The following UTP20 variants were observed in gnomAD, a reference collection of about 807,000 sequenced individuals.
UTP20 encodes UTP20 small subunit processome component.
In UTP20, 164 loss-of-function variants were observed where a neutral mutation model predicts 329.5. The ratio of observed to expected loss-of-function variants is 0.50; its 90% CI spans 0.44 to 0.57. The LOEUF is 0.57. Among genes scored for constraint, UTP20 ranks in the 20% least tolerant of loss-of-function variants. The probability of loss-of-function intolerance (pLI) is 0.00; values close to 1 mark genes in which losing one functional copy is unlikely to be tolerated. For synonymous variants in UTP20, 1,151 were observed against 1,159.3 expected, an observed-to-expected ratio of 0.99 and a Z score of 0.14; for missense variants, 3,055 against 3,284.2, an observed-to-expected ratio of 0.93 and a Z score of 1.71.
intron 41 of UTP20, 42 bp downstream of exon 41, chr12:101,355,160 T>C: frequency 6.3e-7 from 1 of 1,581,390 alleles, no homozygotes; most frequent in Middle Eastern, 1.7e-4. Flanking sequence ...GTGTGAATTC[T>C]GGTGTTGGTG....
chr12:101,338,921 G>C lies in UTP20; in HGVS notation c.3977G>C (p.Arg1326Thr). 1 of 1,609,226 alleles carries C rather than the reference G, an allele frequency of 6.2e-7. No individual in the cohort carries two copies. Among genetic ancestry groups the C allele is most frequent in the Non-Finnish European group, 8.5e-7 (1 of 1,178,826 alleles). ...GAAAAGGTGAAAAAGAAAAAGAATAGAGCACAAGTCAGTAAAGAGCTTGGC... is the reference window on the plus strand; with the variant it reads ...GAAAAGGTGAAAAAGAAAAAGAATACAGCACAAGTCAGTAAAGAGCTTGGC... ...SAEKVKKKKN[R>T]AQVSKELGIL... The change falls in exon 31 of 62, where the codon AGA becomes ACA. Residue 1326 changes from arginine (R) to threonine (T), a missense_variant. By Grantham distance (71) the Arg-to-Thr change is moderately conservative. This residue lies in a region of UTP20 where 2,445 missense variants were observed against 2,575.5 expected (regional missense o/e 0.95). Coordinates refer to ENST00000261637, the MANE Select transcript of UTP20 (RefSeq NM_014503.3).
chr12:101,302,571 A>G lies in UTP20; in HGVS notation c.1781+18A>G, dbSNP rs59034617. 5,659 of 1,508,670 alleles carry G rather than the reference A, an allele frequency of 3.8e-3. 184 individuals carry two copies. The African/African-American group carries it at 0.07, about 19-fold the overall frequency. The allele number at this position is 1,508,670 out of a possible 1,614,324, so 93.5% of individuals were successfully genotyped here. A position where few individuals can be genotyped will look rare whatever the true frequency, so the allele number is the denominator to read the frequency against. On this transcript the variant is annotated intron_variant, in intron 15 of 61. Transcript: ENST00000261637. ...TTAGTATTGTAAGTAAACATCTTCCAGTTGGTTTAGTAATGAATAAAATAT... is the reference window on the plus strand; with the variant it reads ...TTAGTATTGTAAGTAAACATCTTCCGGTTGGTTTAGTAATGAATAAAATAT...
rs752980307 is a variant in UTP20, at chr12:101,280,335, CG to C, written c.45+11del. ...ACCGAGAACACCTACCGGGTGAGCGCGGGAGCTTAGGCAGGGAGCCGCGGGT... is the reference window on the plus strand; with the variant it reads ...ACCGAGAACACCTACCGGGTGAGCGCGGAGCTTAGGCAGGGAGCCGCGGGT... On this transcript the variant is annotated intron_variant, in intron 1 of 61. Transcript: ENST00000261637. 2 of 1,551,604 alleles carry C rather than the reference CG, an allele frequency of 1.3e-6. No individual in the cohort carries two copies. Among genetic ancestry groups the C allele is most frequent in the African/African-American group, 2.7e-5 (2 of 73,060 alleles).
At chr12:101,312,899 C>T (rs1452847583) in intron 21 of UTP20, among the ~76,000 whole-genome samples, 4 of 152,076 alleles carry the variant, frequency 2.6e-5, no homozygotes, top group Admixed American at 2.0e-4. Context: ...TAAAAAATTC[C>T]GGGTTACAGT....
chr12:101,286,600 T>A, intron 5 of UTP20, 91 bp downstream of exon 5: 1 of 1,069,368 alleles, frequency 9.4e-7, no homozygotes, highest in Non-Finnish European at 1.3e-6. Flanking sequence ...GCCAGCTCAG[T>A]GCCTAATTGT....
intron 2 of UTP20, 49 bp downstream of exon 2, chr12:101,281,245 GT>G (rs1184802023): frequency 1.3e-6 from 2 of 1,491,046 alleles, no homozygotes; most frequent in Non-Finnish European, 1.9e-6. Flanking sequence ...TGGTGTTTTA[GT>G]TTCTTCTGTT....
intron 58 of UTP20, 116 bp downstream of exon 58, chr12:101,381,327 GT>G: frequency 1.2e-6 from 1 of 824,770 alleles, no homozygotes; most frequent in African/African-American, 1.7e-5. Flanking sequence ...GAGGTCAGGA[GT>G]TCGAGATGAG....
chr12:101,353,307 T>G (rs1013260219), intron 40 of UTP20, among the ~76,000 whole-genome samples, 178 bp downstream of exon 40: 1 of 152,222 alleles, frequency 6.6e-6, no homozygotes, highest in African/African-American at 2.4e-5. Flanking sequence ...TGGAAAACTT[T>G]ATTTAACAAA....
rs1266055093 is a variant in UTP20, at chr12:101,373,719, A to G, written c.7083A>G (p.Lys2361=). 6.2e-7 allele frequency: 1 copy of G among 1,611,714 alleles called. No homozygotes were observed. The highest frequency in any genetic ancestry group is 1.7e-5 in the Admixed American group (1 of 59,150). The change falls in exon 54 of 62, where the codon AAA becomes AAG. Residue 2361 remains lysine (K), a synonymous_variant. Transcript: ENST00000261637. Reference sequence around the variant, plus strand: ...TACTTGGTAAAATCAGCCTCGAGAAAAAAGATTGGCTGTTTGATATGGTTA... The same window carrying G: ...TACTTGGTAAAATCAGCCTCGAGAAGAAAGATTGGCTGTTTGATATGGTTA... ...KSLLGKISLE[K]KDWLFDMVTT...
At chr12:101,378,544 C>T (rs900519498) in intron 56 of UTP20, among the ~76,000 whole-genome samples, 2 of 151,948 alleles carry the variant, frequency 1.3e-5, no homozygotes, top group Non-Finnish European at 2.9e-5. Flanking sequence ...CATGATGAAA[C>T]CCTGTCTCTA....
chr12:101,302,901 G>T (rs1328546908), intron 15 of UTP20, among the ~76,000 whole-genome samples: 1 of 152,106 alleles, frequency 6.6e-6, no homozygotes, highest in Non-Finnish European at 1.5e-5. Context: ...ACTCTTGTTC[G>T]GCCTCAACTT....
intron 58 of UTP20, among the ~76,000 whole-genome samples, chr12:101,382,835 G>C (rs1870691522): frequency 6.7e-6 from 1 of 148,392 alleles, no homozygotes; most frequent in South Asian, 2.1e-4. Flanking sequence ...CTGGGTAACA[G>C]AGTGAGGCTC....
chr12:101,344,722 T>A lies in UTP20; in HGVS notation c.4577T>A (p.Leu1526Ter). 1 of 1,613,840 alleles carries A rather than the reference T, an allele frequency of 6.2e-7. No homozygotes were observed. Among genetic ancestry groups the A allele is most frequent in the South Asian group, 1.1e-5 (1 of 91,064 alleles). Reference sequence around the variant, plus strand: ...ATCCACCGTTCACTCCTGGAGAAATTGAGAAAAGGTCTGAAGAGCCAGACA... The same window carrying A: ...ATCCACCGTTCACTCCTGGAGAAATAGAGAAAAGGTCTGAAGAGCCAGACA... ...EIIHRSLLEKLRKGLKSQTES... is the reference protein window; with the variant it reads ...EIIHRSLLEK The change falls in exon 36 of 62, where the codon TTG becomes TAG. Residue 1526 changes from leucine (L) to a stop codon, truncating the protein, a stop_gained. Coordinates refer to ENST00000261637, the MANE Select transcript of UTP20 (RefSeq NM_014503.3). LOFTEE classifies it high-confidence loss of function.
Position 101,329,245 on chromosome 12 carries a change from G to A in UTP20, c.3213G>A (p.Glu1071=). The A allele has an allele frequency of 6.2e-7, 1 of 1,614,040 alleles. No homozygotes were observed. The highest frequency in any genetic ancestry group is 1.1e-5 in the South Asian group (1 of 91,080). Residue 1071 remains glutamate (E), a synonymous_variant, in exon 27 of 62, where the codon GAG becomes GAA. Coordinates refer to ENST00000261637, the MANE Select transcript of UTP20 (RefSeq NM_014503.3). ...TCGTCCTCTTTGTTTCACTAGGAGAGTGCCATTCTGCAGTCATTCAAGCAG... is the reference window on the plus strand; with the variant it reads ...TCGTCCTCTTTGTTTCACTAGGAGAATGCCATTCTGCAGTCATTCAAGCAG... ...FEPVRHFKNG[E]CHSAVIQAVE... is the part of the protein sequence containing the mutation.
In UTP20 at chr12:101,383,572, C is replaced by T. The variant is rs751086249; in HGVS notation, c.7959C>T (p.Ala2653=). 15 of 1,613,156 alleles carry T rather than the reference C, an allele frequency of 9.3e-6. No homozygotes were observed. The highest frequency in any genetic ancestry group is 1.3e-5 in the African/African-American group (1 of 74,776). ...KRTCIFKFLG[A]VAMDLGIDKV... ...CATGCATCTTTAAGTTCCTCGGCGC[C>T]GTAGCAATGGATCTTGGGATAGACA... The change falls in exon 60 of 62, where the codon GCC becomes GCT. Residue 2653 remains alanine, a synonymous_variant. Transcript: ENST00000261637.
intron 15 of UTP20, among the ~76,000 whole-genome samples, chr12:101,303,916 C>T (rs1565788559): frequency 6.6e-6 from 1 of 152,310 alleles, no homozygotes; most frequent in South Asian, 2.1e-4. Flanking sequence ...TTTGACATCA[C>T]CACATTTACC....
chr12:101,298,928 A>T (rs1872443951), intron 12 of UTP20, among the ~76,000 whole-genome samples: 2 of 150,076 alleles, frequency 1.3e-5, no homozygotes, highest in African/African-American at 4.9e-5. Context: ...AATTTTAATG[A>T]TAAAAAGGGT....
intron 31 of UTP20, among the ~76,000 whole-genome samples, chr12:101,339,262 G>A (rs574029386): frequency 5.9e-5 from 9 of 152,072 alleles, no homozygotes; most frequent in African/African-American, 1.2e-4. Context: ...GCAGTGAGCC[G>A]AGATCGCGCC....
At position 101,329,227 on chromosome 12, in the gene UTP20, C is replaced by G. The variant is rs766331700; in HGVS notation, c.3209-14C>G. 1 of 1,612,108 alleles carries G rather than the reference C, an allele frequency of 6.2e-7. No individual in the cohort carries two copies. The highest frequency in any genetic ancestry group is 1.7e-5 in the Admixed American group (1 of 59,928). ...GTTACCTTACATGACCTCTCGTCCTCTTTGTTTCACTAGGAGAGTGCCATT... is the reference window on the plus strand; with the variant it reads ...GTTACCTTACATGACCTCTCGTCCTGTTTGTTTCACTAGGAGAGTGCCATT... On this transcript the variant is annotated splice_polypyrimidine_tract_variant and intron_variant, in intron 26 of 61. Coordinates refer to ENST00000261637, the MANE Select transcript of UTP20 (RefSeq NM_014503.3).
Sources: allele counts gnomAD v4.1 joint callset (sites outside exome capture counted in the v4.1 genomes callset), GRCh38; gene constraint gnomAD v4.1.1; regional missense constraint gnomAD v4.1.1; transcripts MANE v1.5; gene names NCBI Gene and HGNC (gene_info 2026-07-23, HGNC 2026-07-21).